Variants in PARP8 observed in about 807,000 individuals in gnomAD.
PARP8 encodes the protein protein mono-ADP-ribosyltransferase PARP8.
PARP8 carries 51 observed loss-of-function variants against 124.1 expected under a neutral mutation model. The observed-to-expected ratio is 0.41, with a 90% CI of 0.33 to 0.52. The LOEUF (loss-of-function observed/expected upper bound fraction) is 0.52. Among genes scored for constraint, PARP8 ranks in the 20% least tolerant of loss-of-function variants. The pLI is 0.21. For missense variants in PARP8, 860 were observed against 1,018.9 expected (o/e 0.84, Z 2.12); for synonymous variants, 391 against 361.5 (o/e 1.08, Z -0.93).
rs781510197 is a variant in PARP8, at chr5:50,778,559, G to A, written c.580-1G>A. ...TTCATCTTTTAAATATATTTGTGCAGGAGGAGATTGCTGTGGCTTGGGAAG... is the reference window on the plus strand; with the variant it reads ...TTCATCTTTTAAATATATTTGTGCAAGAGGAGATTGCTGTGGCTTGGGAAG... On this transcript the variant is annotated splice_acceptor_variant, in intron 8 of 25. Coordinates refer to ENST00000281631, the MANE Select transcript of PARP8 (RefSeq NM_024615.4). LOFTEE classifies it high-confidence loss of function. The A allele has an allele frequency of 6.2e-7, 1 of 1,601,122 alleles. No homozygotes were observed. Among genetic ancestry groups the A allele is most frequent in the Non-Finnish European group, 8.5e-7 (1 of 1,172,690 alleles).
At chr5:50,807,725 G>A (rs964072378) in intron 14 of PARP8, among the ~76,000 whole-genome samples, 1 of 152,076 alleles carries the variant, frequency 6.6e-6, no homozygotes, top group Admixed American at 6.6e-5. Context: ...GTGAATAACA[G>A]TTCCTGCAAA....
At position 50,787,486 on chromosome 5, in the gene PARP8, C is replaced by CA. The variant is rs1741394522; in HGVS notation, c.671-1036dup. ...TATCTAACATTTAAACCTCAGCCCACATAGCCTGCAGCCCATATATTTTTC... is the reference window on the plus strand; with the variant it reads ...TATCTAACATTTAAACCTCAGCCCACAATAGCCTGCAGCCCATATATTTTTC... On this transcript the variant is annotated intron_variant, in intron 9 of 25. Coordinates refer to ENST00000281631, the MANE Select transcript of PARP8 (RefSeq NM_024615.4). Among the ~76,000 whole-genome samples the CA allele has an allele frequency of 4.6e-5, 7 of 152,290 alleles. No homozygotes were observed. The South Asian group carries it at 1.5e-3, about 32-fold the overall frequency.
At chr5:50,771,272 T>C (rs563814587) in intron 7 of PARP8, among the ~76,000 whole-genome samples, 1 of 152,204 alleles carries the variant, frequency 6.6e-6, no homozygotes, top group African/African-American at 2.4e-5. Flanking sequence ...CAGTTCTCCT[T>C]TGTCAGCCTC....
chr5:50,824,637 G>C (rs26062), intron 17 of PARP8, among the ~76,000 whole-genome samples: 16,372 of 152,080 alleles, frequency 0.11, 921 homozygotes, highest in South Asian at 0.16. Context: ...GTCATCTTTA[G>C]GGACATAGGC....
At chr5:50,803,324 T>C (rs1743446774) in intron 14 of PARP8, among the ~76,000 whole-genome samples, 1 of 152,212 alleles carries the variant, frequency 6.6e-6, no homozygotes, top group South Asian at 2.1e-4. Context: ...AAATTTATCC[T>C]ATTTGGAGTT....
chr5:50,808,541 G>A (rs543625118), intron 14 of PARP8, among the ~76,000 whole-genome samples: 49 of 152,094 alleles, frequency 3.2e-4, no homozygotes, highest in South Asian at 8.3e-4. Context: ...AGATTTAGGG[G>A]CTTCAAGGAA....
At chr5:50,815,883 C>T (rs1198435223) in intron 15 of PARP8, among the ~76,000 whole-genome samples, 1 of 152,044 alleles carries the variant, frequency 6.6e-6, no homozygotes, top group East Asian at 1.9e-4. Flanking sequence ...ATTTTTAAAA[C>T]TTAGGTGAAA....
At position 50,788,609 on chromosome 5, in the gene PARP8, A is replaced by G; in HGVS notation, c.737+20A>G. 1 of 1,593,128 alleles carries G rather than the reference A, an allele frequency of 6.3e-7. No homozygotes were observed. Among genetic ancestry groups the G allele is most frequent in the Non-Finnish European group, 8.6e-7 (1 of 1,162,382 alleles). Reference sequence around the variant, plus strand: ...GAAAAAGTAAGTTTGCTAAAGTGCAAAAAATAAATTTCTGCTAAAGAGAAC... The same window carrying G: ...GAAAAAGTAAGTTTGCTAAAGTGCAGAAAATAAATTTCTGCTAAAGAGAAC... On this transcript the variant is annotated intron_variant, in intron 10 of 25. Transcript: ENST00000281631.
At chr5:50,684,437 C>G in intron 2 of PARP8, among the ~76,000 whole-genome samples, 1 of 40,164 alleles carries the variant, frequency 2.5e-5, no homozygotes, top group East Asian at 2.3e-3. Context: ...GAATGCTGAA[C>G]TAATATGAAA....
chr5:50,796,255 A>T (rs1365169394), intron 12 of PARP8, among the ~76,000 whole-genome samples: 4 of 152,136 alleles, frequency 2.6e-5, no homozygotes, highest in Non-Finnish European at 5.9e-5. Context: ...TCAGCAAGAG[A>T]TGAAATTGAA....
In PARP8 at chr5:50,788,528, A is replaced by G. The variant is rs753926806; in HGVS notation, c.676A>G (p.Thr226Ala). The G allele has an allele frequency of 1.2e-6, 2 of 1,612,914 alleles. No homozygotes were observed. The highest frequency in any genetic ancestry group is 2.7e-5 in the African/African-American group (2 of 74,842). The change falls in exon 10 of 26, where the codon ACT (threonine) becomes GCT (alanine). Residue 226 changes from threonine to alanine, a missense_variant. By Grantham distance (58) the Thr-to-Ala change is moderately conservative. Coordinates refer to ENST00000281631, the MANE Select transcript of PARP8 (RefSeq NM_024615.4). The part of the protein sequence containing the change: ...LTQYLNGPVP[T>A]VDVFQISTKE... ...TGATCCTTTTTCCTTTCCAGTGCCC[A>G]CTGTTGATGTCTTTCAGATTTCCAC...
chr5:50,790,505 C>T (rs1160021427), intron 10 of PARP8, among the ~76,000 whole-genome samples: 1 of 152,054 alleles, frequency 6.6e-6, no homozygotes, highest in Non-Finnish European at 1.5e-5. Context: ...AATTTCCTCC[C>T]TTGTTTTTAT....
At chr5:50,724,287 C>A (rs1272561115) in intron 2 of PARP8, among the ~76,000 whole-genome samples, 2 of 152,066 alleles carry the variant, frequency 1.3e-5, no homozygotes, top group Non-Finnish European at 2.9e-5. Flanking sequence ...TGATTCTTTA[C>A]TTTTACCTAC....
At chr5:50,666,099 A>G (rs2112154754), upstream of PARP8, 2 of 152,228 alleles carry the variant, frequency 1.3e-5, no homozygotes, top group East Asian at 3.9e-4. Flanking sequence ...AGTCCCTCAA[A>G]AGGGGCTGTG....
intron 2 of PARP8, among the ~76,000 whole-genome samples, chr5:50,688,889 A>G (rs1235749572): frequency 2.0e-5 from 3 of 152,174 alleles, no homozygotes; most frequent in Non-Finnish European, 4.4e-5. Flanking sequence ...GCGGTAGCCC[A>G]AGCTACTCAG....
intron 3 of PARP8, among the ~76,000 whole-genome samples, chr5:50,754,107 G>T (rs1759558484): frequency 2.6e-5 from 2 of 78,358 alleles, no homozygotes. Flanking sequence ...ATTTGAGTTT[G>T]AAAACATTCA....
At chr5:50,836,167 AT>A (rs1164498758) in intron 25 of PARP8, among the ~76,000 whole-genome samples, 2 of 152,102 alleles carry the variant, frequency 1.3e-5, no homozygotes, top group African/African-American at 4.8e-5. Flanking sequence ...TACCATAGAT[AT>A]TTGCTGACTA....
chr5:50,817,645 G>T (rs758494717), intron 15 of PARP8, among the ~76,000 whole-genome samples: 7 of 152,098 alleles, frequency 4.6e-5, no homozygotes, highest in Non-Finnish European at 8.8e-5. Flanking sequence ...TTAGATATTG[G>T]GCTCTCATCT....
At position 50,699,972 on chromosome 5, in the gene PARP8, G is replaced by A. The variant is rs73101005; in HGVS notation, c.146+31847G>A. Among the ~76,000 whole-genome samples, 140 of 152,210 alleles carry A rather than the reference G, an allele frequency of 9.2e-4. 1 individual carries two copies. The highest frequency in any genetic ancestry group is 3.3e-3 in the African/African-American group (135 of 41,532). Reference sequence around the variant, plus strand: ...CATTAACTTGCAAAAAGGATAGATAGCATGACTCATGGAACCTGTCTTCAT... The same window carrying A: ...CATTAACTTGCAAAAAGGATAGATAACATGACTCATGGAACCTGTCTTCAT... On this transcript the variant is annotated intron_variant, in intron 2 of 25. Transcript: ENST00000281631.
Sources: gnomAD v4.1 joint callset for allele counts (sites outside exome capture counted in the v4.1 genomes callset) on GRCh38, gnomAD v4.1.1 for gene constraint, MANE v1.5 for transcripts, NCBI Gene and HGNC (gene_info 2026-07-23, HGNC 2026-07-21) for gene names.